Variants in CNTN1 observed in about 807,000 individuals in gnomAD.
CNTN1 encodes the protein contactin 1.
Under a neutral mutation model 126.4 loss-of-function variants are expected in CNTN1, and 38 were observed. That is an observed-to-expected ratio of 0.30 (90% CI 0.23 to 0.39). CNTN1 has a LOEUF of 0.39. CNTN1 is among the 10% of genes least tolerant of loss of function. CNTN1 has a pLI of 1.00. For missense variants in CNTN1, 1,009 were observed against 1,248.4 expected (o/e 0.81, Z 2.89); for synonymous variants, 413 against 422.6 (o/e 0.98, Z 0.28).
At chr12:40,906,630 A>G (rs1176185176) in intron 1 of CNTN1, among the ~76,000 whole-genome samples, 1 of 151,708 alleles carries the variant, frequency 6.6e-6, no homozygotes, top group East Asian at 1.9e-4. Flanking sequence ...TACGTTGAAC[A>G]CTACAACATG....
chr12:40,834,982 G>A (rs771225307), intron 1 of CNTN1, among the ~76,000 whole-genome samples: 3 of 152,080 alleles, frequency 2.0e-5, no homozygotes, highest in Non-Finnish European at 2.9e-5. Context: ...ATGAGGCTAC[G>A]GGGACCTGGC....
intron 1 of CNTN1, among the ~76,000 whole-genome samples, chr12:40,706,656 C>A (rs928137758): frequency 2.6e-5 from 4 of 152,096 alleles, no homozygotes; most frequent in African/African-American, 4.8e-5. Flanking sequence ...TAGAAATGTT[C>A]TTTTGTAATA....
chr12:40,964,693 A>AT (rs918451643), intron 15 of CNTN1, among the ~76,000 whole-genome samples: 11 of 152,056 alleles, frequency 7.2e-5, no homozygotes, highest in African/African-American at 2.7e-4. Flanking sequence ...TGGTTACCAG[A>AT]TTTTTTCTTA....
intron 1 of CNTN1, among the ~76,000 whole-genome samples, chr12:40,843,922 G>C (rs922878961): frequency 1.3e-5 from 2 of 151,976 alleles, no homozygotes; most frequent in Non-Finnish European, 1.5e-5. Flanking sequence ...GGTTATTTCT[G>C]CCAAATTAGC....
chr12:40,884,452 G>C (rs1016530772), intron 1 of CNTN1, among the ~76,000 whole-genome samples: 2 of 151,272 alleles, frequency 1.3e-5, no homozygotes, highest in Admixed American at 1.3e-4. Flanking sequence ...TATTTAATCA[G>C]AATAGATTTC....
chr12:40,895,755 ATTTTTTT>A (rs35784846), intron 1 of CNTN1, among the ~76,000 whole-genome samples: 1 of 121,728 alleles, frequency 8.2e-6, no homozygotes. Context: ...GTGCTTCAAG[ATTTTTTT>A]TTTTTTTTTT....
At chr12:40,901,907 T>C (rs1944621852) in intron 1 of CNTN1, among the ~76,000 whole-genome samples, 1 of 152,200 alleles carries the variant, frequency 6.6e-6, no homozygotes, top group African/African-American at 2.4e-5. Flanking sequence ...CTTTTGTTTA[T>C]AGAGTGTAAA....
chr12:41,061,641 T>C (rs1331448708), intron 23 of CNTN1: 1 of 314,912 alleles, frequency 3.2e-6, no homozygotes, highest in African/African-American at 2.2e-5. Flanking sequence ...CAAATATGTT[T>C]GCAAATTTTA....
chr12:40,693,716 C>A (rs973651319), intron 1 of CNTN1, among the ~76,000 whole-genome samples: 3 of 152,188 alleles, frequency 2.0e-5, no homozygotes, highest in Non-Finnish European at 4.4e-5. Flanking sequence ...GCATACCCAG[C>A]CCGGCTTCCC....
chr12:40,978,198 A>C (rs762450064), intron 15 of CNTN1, among the ~76,000 whole-genome samples: 8 of 152,162 alleles, frequency 5.3e-5, no homozygotes, highest in Non-Finnish European at 1.0e-4. Context: ...AAGATAAATC[A>C]GGGCACAGAA....
chr12:40,983,468 C>CGT (rs141568233), intron 16 of CNTN1, among the ~76,000 whole-genome samples: 5,062 of 145,838 alleles, frequency 0.035, 175 homozygotes, highest in African/African-American at 0.092. Context: ...TGATATTCAC[C>CGT]GTGTGTGTGT....
chr12:40,818,773 A>AT lies in CNTN1; in HGVS notation c.-76-89578dup, dbSNP rs558290615. Among the ~76,000 whole-genome samples, 210 of 151,636 alleles carry AT rather than the reference A, an allele frequency of 1.4e-3. 2 individuals carry two copies. The highest frequency in any genetic ancestry group is 4.4e-3 in the African/African-American group (183 of 41,344). On this transcript the variant is annotated intron_variant, in intron 1 of 23. Coordinates refer to ENST00000551295, the MANE Select transcript of CNTN1 (RefSeq NM_001843.4). ...CACTCTGGCCTTTTTGGTTTTCAGC[A>AT]TTTTTTCATTAATTCTTTTTCATCT... is the stretch of plus-strand genomic sequence containing the variant.
At chr12:40,747,066 A>G (rs1262401478) in intron 1 of CNTN1, among the ~76,000 whole-genome samples, 1 of 152,090 alleles carries the variant, frequency 6.6e-6, no homozygotes, top group Non-Finnish European at 1.5e-5. Context: ...ACTGTAACAA[A>G]TATAGCCTAG....
At chr12:40,841,579 T>G (rs1942282769) in intron 1 of CNTN1, among the ~76,000 whole-genome samples, 1 of 151,986 alleles carries the variant, frequency 6.6e-6, no homozygotes, top group African/African-American at 2.4e-5. Context: ...ATAATACACC[T>G]TGATCAAGTG....
intron 16 of CNTN1, among the ~76,000 whole-genome samples, chr12:40,982,026 T>A (rs712133): frequency 0.71 from 107,548 of 151,894 alleles, 38,732 homozygotes; most frequent in African/African-American, 0.84. Context: ...CCAAAATGCC[T>A]ATATTTGTAT....
chr12:40,955,182 A>G (rs970921040), intron 14 of CNTN1, among the ~76,000 whole-genome samples: 2 of 151,842 alleles, frequency 1.3e-5, no homozygotes, highest in Non-Finnish European at 2.9e-5. Context: ...GGTGTGGCTA[A>G]CCCCTACTCT....
chr12:40,873,217 A>C (rs1475438297), intron 1 of CNTN1, among the ~76,000 whole-genome samples: 1 of 152,204 alleles, frequency 6.6e-6, no homozygotes, highest in African/African-American at 2.4e-5. Flanking sequence ...GTGCTATAAG[A>C]TATACAAATT....
At chr12:40,858,179 C>T (rs1942981343) in intron 1 of CNTN1, among the ~76,000 whole-genome samples, 1 of 152,118 alleles carries the variant, frequency 6.6e-6, no homozygotes, top group African/African-American at 2.4e-5. Flanking sequence ...CTATTCTTTG[C>T]CCTTCTCACT....
At chr12:40,957,208 T>TA (rs930689936) in intron 14 of CNTN1, among the ~76,000 whole-genome samples, 6 of 151,834 alleles carry the variant, frequency 4.0e-5, no homozygotes, top group Non-Finnish European at 7.4e-5. Flanking sequence ...AGAATCCAAG[T>TA]AAAAATCAAA....
Sources: allele counts gnomAD v4.1 joint callset (sites outside exome capture counted in the v4.1 genomes callset), GRCh38; gene constraint gnomAD v4.1.1; transcripts MANE v1.5; gene names NCBI Gene and HGNC (gene_info 2026-07-23, HGNC 2026-07-21).